SNX25: variants seen among roughly 807,000 people sequenced by gnomAD.
SNX25 encodes sorting nexin 25, also known as sorting nexin-25.
A neutral mutation model predicts 113.7 loss-of-function variants in SNX25; 62 were observed. The ratio of observed to expected loss-of-function variants is 0.55; its 90% CI spans 0.44 to 0.67. The LOEUF (loss-of-function observed/expected upper bound fraction) is 0.67, where lower values mean the gene tolerates loss of function less well. Among genes scored for constraint, SNX25 ranks in the 30% least tolerant of loss-of-function variants. The probability of loss-of-function intolerance (pLI) is 0.00; values close to 1 mark genes in which losing one functional copy is unlikely to be tolerated. For missense variants in SNX25, 1,014 were observed against 1,161.0 expected (o/e 0.87, Z 1.84); for synonymous variants, 421 against 436.2 (o/e 0.97, Z 0.43).
intron 17 of SNX25, 103 bp downstream of exon 17, chr4:185,362,208 T>TG: frequency 2.8e-6 from 4 of 1,408,208 alleles, no homozygotes; most frequent in Non-Finnish European, 3.7e-6. Flanking sequence ...TTCTTTACAA[T>TG]GAAAAAAAAA....
chr4:185,214,256 A>C (rs183011701), intron 1 of SNX25, among the ~76,000 whole-genome samples: 71 of 152,168 alleles, frequency 4.7e-4, no homozygotes, highest in Non-Finnish European at 5.1e-4. Context: ...TGATACAAGA[A>C]GTCCACAGAA....
intron 6 of SNX25, among the ~76,000 whole-genome samples, chr4:185,304,858 T>C (rs1348473436): frequency 6.6e-6 from 1 of 152,196 alleles, no homozygotes; most frequent in East Asian, 1.9e-4. Flanking sequence ...ATACAGTTGA[T>C]TGGAGAACCA....
intron 1 of SNX25, among the ~76,000 whole-genome samples, chr4:185,212,486 TGTG>T (rs1484393104): frequency 2.2e-5 from 2 of 90,424 alleles, no homozygotes; most frequent in Non-Finnish European, 4.7e-5. Flanking sequence ...TGTGTGTGTG[TGTG>T]TGTTTTTTTT....
chr4:185,279,653 A>G (rs938855256), intron 5 of SNX25, among the ~76,000 whole-genome samples: 2 of 152,200 alleles, frequency 1.3e-5, no homozygotes, highest in Non-Finnish European at 2.9e-5. Flanking sequence ...CTTTGCTCAT[A>G]ATATTGGTGA....
At chr4:185,358,773 T>G (rs1021137245) in intron 16 of SNX25, among the ~76,000 whole-genome samples, 8 of 152,222 alleles carry the variant, frequency 5.3e-5, no homozygotes, top group Non-Finnish European at 1.0e-4. Flanking sequence ...ACATTATGAT[T>G]TCCTGCAGAA....
At chr4:185,248,803 A>T (rs1188852785) in intron 2 of SNX25, among the ~76,000 whole-genome samples, 1 of 152,232 alleles carries the variant, frequency 6.6e-6, no homozygotes, top group Non-Finnish European at 1.5e-5. Flanking sequence ...GAACATTTCC[A>T]TCATTCTAGA....
At chr4:185,295,564 C>T (rs556327247) in intron 6 of SNX25, among the ~76,000 whole-genome samples, 4 of 152,018 alleles carry the variant, frequency 2.6e-5, no homozygotes, top group African/African-American at 9.7e-5. Flanking sequence ...ATCCTCCCAC[C>T]TCAGCTTCCC....
At chr4:185,358,376 T>G (rs922195179) in intron 16 of SNX25, among the ~76,000 whole-genome samples, 4 of 152,236 alleles carry the variant, frequency 2.6e-5, no homozygotes, top group African/African-American at 7.2e-5. Flanking sequence ...TCATAAAAAG[T>G]GATCCACATT....
In SNX25 at chr4:185,339,465, G is replaced by T. The variant is rs745433828; in HGVS notation, c.2001G>T (p.Trp667Cys). Residue 667 changes from tryptophan (W) to cysteine (C), a missense_variant, in exon 11 of 19, where the codon TGG (tryptophan) becomes TGT (cysteine). Transcript: ENST00000652585. The stretch of plus-strand genomic sequence containing the variant: ...TGCACATGGCAAGAACGGATTGGTG[G>T]TGTGAAAACCTTGGCATGTGGAAAG... ...LQLHMARTDW[W>C]CENLGMWKAS... 1.9e-6 allele frequency: 3 copies of T among 1,614,094 alleles called. No homozygotes were observed. Among genetic ancestry groups the T allele is most frequent in the Non-Finnish European group, 2.5e-6 (3 of 1,179,970 alleles).
chr4:185,359,595 A>G (rs2095353165), intron 16 of SNX25, among the ~76,000 whole-genome samples: 1 of 152,084 alleles, frequency 6.6e-6, no homozygotes, highest in South Asian at 2.1e-4. Flanking sequence ...GGAGTTCGAG[A>G]TCAGCCTGGC....
chr4:185,313,656 G>A (rs2126670265), intron 7 of SNX25, among the ~76,000 whole-genome samples: 1 of 152,150 alleles, frequency 6.6e-6, no homozygotes, highest in South Asian at 2.1e-4. Context: ...GTATATTGTG[G>A]GATATATTGT....
upstream of SNX25, among the ~76,000 whole-genome samples, chr4:185,206,743 T>C (rs552438750): frequency 6.0e-5 from 9 of 150,222 alleles, no homozygotes; most frequent in South Asian, 1.9e-3. Flanking sequence ...TAGATAGATA[T>C]ATGAGCAGGA....
chr4:185,360,902 G>A (rs1478227851), intron 16 of SNX25, among the ~76,000 whole-genome samples: 2 of 142,626 alleles, frequency 1.4e-5, no homozygotes, highest in Non-Finnish European at 3.0e-5. Context: ...CTGGGCAACA[G>A]AGCGAGACTC....
At chr4:185,368,477 A>G (rs976989561), downstream of SNX25, among the ~76,000 whole-genome samples, 8 of 149,670 alleles carry the variant, frequency 5.3e-5, no homozygotes, top group African/African-American at 1.9e-4. Context: ...CTCCCTCCCA[A>G]CCCGTTCCCT....
chr4:185,240,229 T>C (rs1232392779), intron 1 of SNX25, among the ~76,000 whole-genome samples: 1 of 152,142 alleles, frequency 6.6e-6, no homozygotes, highest in Non-Finnish European at 1.5e-5. Flanking sequence ...CCCCCCTTTC[T>C]ATTCCACAAA....
intron 5 of SNX25, among the ~76,000 whole-genome samples, chr4:185,286,353 A>G (rs780029695): frequency 2.7e-4 from 41 of 152,262 alleles, no homozygotes; most frequent in South Asian, 2.1e-4. Context: ...CCTCAAAGCA[A>G]TCCTCCCTCG....
At chr4:185,241,533 G>T (rs1744033637) in intron 1 of SNX25, among the ~76,000 whole-genome samples, 1 of 133,842 alleles carries the variant, frequency 7.5e-6, no homozygotes, top group African/African-American at 2.6e-5. Context: ...AGAGGAGGGA[G>T]AGGGAGAGGA....
At chr4:185,367,059 C>A, downstream of SNX25, 1 of 847,772 alleles carries the variant, frequency 1.2e-6, no homozygotes, top group Non-Finnish European at 1.9e-6. Flanking sequence ...TAACATGTCA[C>A]CTGTAAAATA....
rs1472491450 is a variant in SNX25 at position 185,339,402 on chromosome 4, A to G, written c.1938A>G (p.Glu646=). The change falls in exon 11 of 19, where the codon GAA becomes GAG. Residue 646 remains glutamate (E), a synonymous_variant. Transcript: ENST00000652585. The part of the protein sequence containing the change: ...DKKIVSKLKD[E]IILIEKERTD... ...AGATTGTTTCCAAGTTGAAGGATGA[A>G]ATAATCCTAATAGAGAAAGAACGCA... The G allele has an allele frequency of 3.1e-6, 5 of 1,613,916 alleles. No individual in the cohort carries two copies. The highest frequency in any genetic ancestry group is 4.2e-6 in the Non-Finnish European group (5 of 1,179,942).
Sources: gnomAD v4.1 joint callset for allele counts (sites outside exome capture counted in the v4.1 genomes callset) on GRCh38, gnomAD v4.1.1 for gene constraint, MANE v1.5 for transcripts, NCBI Gene and HGNC (gene_info 2026-07-23, HGNC 2026-07-21) for gene names.